Variants in INO80D observed in about 807,000 individuals in gnomAD.
INO80D encodes INO80 complex subunit D.
INO80D carries 21 observed loss-of-function variants against 87.6 expected under a neutral mutation model. The observed-to-expected ratio is 0.24, with a 90% confidence interval of 0.17 to 0.35. INO80D has a LOEUF of 0.35. INO80D is among the 10% of genes least tolerant of loss of function. The pLI, the probability that INO80D is intolerant of heterozygous loss-of-function variation, is 1.00. For missense variants in INO80D, 982 were observed against 1,280.7 expected (o/e 0.77, Z 3.56); for synonymous variants, 440 against 491.0 (o/e 0.90, Z 1.37).
At chr2:206,055,006 C>A (rs957090544) in intron 4 of INO80D, among the ~76,000 whole-genome samples, 4 of 152,172 alleles carry the variant, frequency 2.6e-5, no homozygotes, top group African/African-American at 9.6e-5. Flanking sequence ...GTATGAGATA[C>A]CATATCCTGA....
At chr2:206,075,849 T>C (rs1291550015) in intron 1 of INO80D, among the ~76,000 whole-genome samples, 1 of 148,974 alleles carries the variant, frequency 6.7e-6, no homozygotes, top group Non-Finnish European at 1.5e-5. Context: ...AGGTCAGGAG[T>C]TCGAGACCAG....
chr2:206,072,385 C>T (rs1032808601), intron 1 of INO80D, among the ~76,000 whole-genome samples: 1 of 151,908 alleles, frequency 6.6e-6, no homozygotes, highest in Admixed American at 6.6e-5. Flanking sequence ...AAGCCATTTT[C>T]CTGCCTCAGC....
intron 1 of INO80D, among the ~76,000 whole-genome samples, chr2:206,072,307 C>T (rs1689993142): frequency 1.3e-5 from 2 of 151,684 alleles, no homozygotes; most frequent in South Asian, 2.1e-4. Context: ...GACAGAGTCT[C>T]GCTCTGTCAC....
chr2:206,056,119 T>G, intron 4 of INO80D, 79 bp downstream of exon 4: 1 of 1,388,500 alleles, frequency 7.2e-7, no homozygotes, highest in East Asian at 2.3e-5. Context: ...TATGGGGTAA[T>G]TATGAAAGGG....
chr2:206,046,570 G>A lies in INO80D; in HGVS notation c.1007C>T (p.Ser336Leu), dbSNP rs755751160. 2 of 1,613,834 alleles carry A rather than the reference G, an allele frequency of 1.2e-6. No homozygotes were observed. Among genetic ancestry groups the A allele is most frequent in the African/African-American group, 1.3e-5 (1 of 74,938 alleles). Residue 336 changes from serine (S) to leucine (L), a missense_variant, in exon 5 of 11, where the codon TCA becomes TTA. Coordinates refer to ENST00000403263, the MANE Select transcript of INO80D (RefSeq NM_017759.5). ...SEESGEEPED[S>L]EQASPYQVAW... ...AACCTGGTAGGGCGAGGCCTGCTCTGAGTCCTCTGGTTCCTCTCCGCTCTC... is the reference window on the plus strand; with the variant it reads ...AACCTGGTAGGGCGAGGCCTGCTCTAAGTCCTCTGGTTCCTCTCCGCTCTC...
Position 205,998,545 on chromosome 2 carries a change from CTT to C in INO80D, c.*5821_*5822del, listed in dbSNP as rs1344977242. 2 of 146,972 alleles carry C rather than the reference CTT, an allele frequency of 1.4e-5. No homozygotes were observed. Among genetic ancestry groups the C allele is most frequent in the East Asian group, 2.1e-4 (1 of 4,722 alleles). The allele number at this position is 146,972 out of a possible 1,614,324, so 9.1% of individuals were successfully genotyped here. ...CACTCGATACAGCTTTAGTATAAAACTTATAATTTATGAGGTGATGTTAATAG... is the reference window on the plus strand; with the variant it reads ...CACTCGATACAGCTTTAGTATAAAACATAATTTATGAGGTGATGTTAATAG... On this transcript the variant is annotated 3_prime_UTR_variant, in exon 11 of 11. Transcript: ENST00000403263.
chr2:206,034,034 C>G (rs905168101), intron 5 of INO80D, among the ~76,000 whole-genome samples: 2 of 152,060 alleles, frequency 1.3e-5, no homozygotes, highest in African/African-American at 4.8e-5. Context: ...AAATATAACC[C>G]TCCTAGCTTA....
At chr2:206,031,774 A>G (rs760607477) in intron 5 of INO80D, among the ~76,000 whole-genome samples, 1 of 152,258 alleles carries the variant, frequency 6.6e-6, no homozygotes, top group Non-Finnish European at 1.5e-5. Context: ...AACTGCAAGA[A>G]CAAACCAGGA....
At chr2:206,015,368 G>C (rs1688290344) in intron 8 of INO80D, among the ~76,000 whole-genome samples, 1 of 152,088 alleles carries the variant, frequency 6.6e-6, no homozygotes, top group African/African-American at 2.4e-5. Flanking sequence ...TGGTTTCATG[G>C]GCCAAACCCA....
At chr2:206,007,143 G>C in intron 10 of INO80D, 141 bp downstream of exon 10, 1 of 703,600 alleles carries the variant, frequency 1.4e-6, no homozygotes, top group Non-Finnish European at 2.4e-6. Context: ...TAAAATAGCT[G>C]CAGTGGCATT....
chr2:206,032,111 G>A (rs1032079735), intron 5 of INO80D, among the ~76,000 whole-genome samples: 2 of 152,160 alleles, frequency 1.3e-5, no homozygotes, highest in African/African-American at 4.8e-5. Context: ...CCAGAGGCAT[G>A]GGGAAAATGC....
chr2:206,005,190 C>G lies in INO80D; in HGVS notation c.2262G>C (p.Gly754=). 1 of 1,613,976 alleles carries G rather than the reference C, an allele frequency of 6.2e-7. No homozygotes were observed. The highest frequency in any genetic ancestry group is 8.5e-7 in the Non-Finnish European group (1 of 1,179,884). ...CAACGTTGGCTGGGGCAGAGAACTGCCCCTGGATCTGCCCTGCCAGGGGTG... is the reference window on the plus strand; with the variant it reads ...CAACGTTGGCTGGGGCAGAGAACTGGCCCTGGATCTGCCCTGCCAGGGGTG... ...PPTPLAGQIQ[G]QFSAPANVGL... The change falls in exon 11 of 11, where the codon GGG becomes GGC. Residue 754 remains glycine (G), a synonymous_variant. Coordinates refer to ENST00000403263, the MANE Select transcript of INO80D (RefSeq NM_017759.5).
chr2:206,032,036 G>T (rs1688781543), intron 5 of INO80D, among the ~76,000 whole-genome samples: 1 of 152,182 alleles, frequency 6.6e-6, no homozygotes, highest in South Asian at 2.1e-4. Flanking sequence ...AACGCTCTGG[G>T]AGCTCACTGG....
rs1440190354 is a variant in INO80D at position 206,085,766 on chromosome 2, C to T, written c.-124+135G>A. 6.6e-6 allele frequency: 1 copy of T among 151,596 alleles called. No individual in the cohort carries two copies. Among genetic ancestry groups the T allele is most frequent in the Admixed American group, 6.6e-5 (1 of 15,242 alleles). 9.4% of individuals were successfully genotyped at this position (151,596 alleles called of 1,614,324 possible). A position where few individuals can be genotyped will look rare whatever the true frequency, so the allele number is the denominator to read the frequency against. Reference sequence around the variant, plus strand: ...CCCCACTCACCCTTTCATTCTCCGCCCGGGGCCTGGCGTGGGCCGGCGAAT... The same window carrying T: ...CCCCACTCACCCTTTCATTCTCCGCTCGGGGCCTGGCGTGGGCCGGCGAAT... On this transcript the variant is annotated intron_variant, in intron 1 of 10. Coordinates refer to ENST00000403263, the MANE Select transcript of INO80D (RefSeq NM_017759.5). The surrounding 1 kb of genome is among the most constrained non-coding windows in gnomAD (Gnocchi z 4.5).
chr2:206,045,621 T>C (rs1052199301), intron 5 of INO80D, among the ~76,000 whole-genome samples: 3 of 151,086 alleles, frequency 2.0e-5, no homozygotes, highest in Non-Finnish European at 2.9e-5. Flanking sequence ...TCCGAAGACA[T>C]AACATGGGGA....
Position 205,997,935 on chromosome 2 carries a change from A to G in INO80D, c.*6433T>C, listed in dbSNP as rs1300926477. On this transcript the variant is annotated 3_prime_UTR_variant, in exon 11 of 11. Coordinates refer to ENST00000403263, the MANE Select transcript of INO80D (RefSeq NM_017759.5). ...TCTCACACACGTGCCCCCAATGTAT[A>G]TTTTTGCATGTGTGTAAAAAATACA... The G allele has an allele frequency of 1.3e-5, 2 of 152,190 alleles. No individual in the cohort carries two copies. Among genetic ancestry groups the G allele is most frequent in the Non-Finnish European group, 2.9e-5 (2 of 68,026 alleles). 9.4% of individuals were successfully genotyped at this position (152,190 alleles called of 1,614,324 possible). A position where few individuals can be genotyped will look rare whatever the true frequency, so the allele number is the denominator to read the frequency against.
intron 1 of INO80D, among the ~76,000 whole-genome samples, chr2:206,066,894 T>C (rs1044871651): frequency 6.6e-6 from 1 of 151,860 alleles, no homozygotes; most frequent in African/African-American, 2.4e-5. Flanking sequence ...AAATAAGGTA[T>C]GGAAAATTAA....
chr2:206,012,547 A>C (rs529991865), intron 8 of INO80D, among the ~76,000 whole-genome samples: 19 of 152,254 alleles, frequency 1.2e-4, no homozygotes, highest in Admixed American at 1.2e-3. Flanking sequence ...GAAATTTATA[A>C]AATGTGTTTG....
chr2:206,074,368 C>T (rs1028552964), intron 1 of INO80D, among the ~76,000 whole-genome samples: 4 of 152,184 alleles, frequency 2.6e-5, no homozygotes, highest in African/African-American at 9.7e-5. Context: ...AATCCCAGCA[C>T]TTTGGGAGGC....
Sources: allele counts gnomAD v4.1 joint callset (sites outside exome capture counted in the v4.1 genomes callset), GRCh38; gene constraint gnomAD v4.1.1; non-coding constraint Gnocchi (gnomAD v3.1); transcripts MANE v1.5; gene names NCBI Gene and HGNC (gene_info 2026-07-23, HGNC 2026-07-21).